PTPN14: variants seen among roughly 807,000 people sequenced by gnomAD.
The protein encoded by PTPN14 is protein tyrosine phosphatase non-receptor type 14.
PTPN14 carries 53 observed loss-of-function variants against 126.8 expected under a neutral mutation model. The ratio of observed to expected loss-of-function variants is 0.42; its 90% CI spans 0.34 to 0.53. The LOEUF (loss-of-function observed/expected upper bound fraction) is 0.53, where lower values mean the gene tolerates loss of function less well. Among genes scored for constraint, PTPN14 ranks in the 20% least tolerant of loss-of-function variants. PTPN14 has a pLI of 0.08. For missense variants in PTPN14, 1,257 were observed against 1,552.9 expected, an observed-to-expected ratio of 0.81 and a Z score of 3.20; for synonymous variants, 630 against 599.3, an observed-to-expected ratio of 1.05 and a Z score of -0.75.
chr1:214,404,379 G>A (rs142793036), intron 5 of PTPN14, among the ~76,000 whole-genome samples: 6 of 152,234 alleles, frequency 3.9e-5, no homozygotes, highest in Admixed American at 1.3e-4. Context: ...ACTCAAGTCC[G>A]TGATAGGAAA....
At chr1:214,396,967 A>G (rs938141586) in intron 8 of PTPN14, among the ~76,000 whole-genome samples, 1 of 152,346 alleles carries the variant, frequency 6.6e-6, no homozygotes, top group East Asian at 1.9e-4. Context: ...AAAAGTCAAA[A>G]AATTTATTCT....
chr1:214,466,721 C>G (rs1453050657), intron 1 of PTPN14, among the ~76,000 whole-genome samples: 1 of 152,116 alleles, frequency 6.6e-6, no homozygotes, highest in Admixed American at 6.5e-5. Context: ...ACTTGATTCC[C>G]TAACTCAGGC....
At chr1:214,379,137 T>C (rs1274892953) in intron 13 of PTPN14, among the ~76,000 whole-genome samples, 1 of 152,232 alleles carries the variant, frequency 6.6e-6, no homozygotes, top group Non-Finnish European at 1.5e-5. Context: ...AACACAGGCA[T>C]TCCTCATAGA....
At chr1:214,426,980 TA>T (rs955136729) in intron 3 of PTPN14, among the ~76,000 whole-genome samples, 4 of 151,854 alleles carry the variant, frequency 2.6e-5, no homozygotes, top group Non-Finnish European at 5.9e-5. Flanking sequence ...AGGCTTCTCC[TA>T]AAAAAAATTA....
At chr1:214,509,932 G>C (rs1209733578) in intron 1 of PTPN14, among the ~76,000 whole-genome samples, 1 of 152,208 alleles carries the variant, frequency 6.6e-6, no homozygotes, top group Non-Finnish European at 1.5e-5. Context: ...GGTGGGAATT[G>C]AACAATGTGA....
chr1:214,456,051 C>G (rs1230728643), intron 2 of PTPN14, among the ~76,000 whole-genome samples: 1 of 152,138 alleles, frequency 6.6e-6, no homozygotes, highest in Admixed American at 6.5e-5. Context: ...TAATCCCCCA[C>G]CTTAGCTATT....
chr1:214,436,370 C>G (rs1049264240), intron 3 of PTPN14, among the ~76,000 whole-genome samples: 3 of 151,838 alleles, frequency 2.0e-5, no homozygotes, highest in African/African-American at 7.3e-5. Flanking sequence ...TATAACAAAC[C>G]CACACGTATA....
At chr1:214,478,544 AAAAAAAC>A (rs945996163) in intron 1 of PTPN14, among the ~76,000 whole-genome samples, 8 of 152,148 alleles carry the variant, frequency 5.3e-5, no homozygotes, top group African/African-American at 9.7e-5. Context: ...TGTATTTGGA[AAAAAAAC>A]AAAAAACAAA....
At chr1:214,445,549 G>GT (rs1558105521) in intron 3 of PTPN14, among the ~76,000 whole-genome samples, 5 of 108,488 alleles carry the variant, frequency 4.6e-5, no homozygotes, top group African/African-American at 1.4e-4. Flanking sequence ...ACATGTTTTG[G>GT]TTAAAAAAAA....
chr1:214,528,479 T>C (rs1174618823), intron 1 of PTPN14: 1 of 152,206 alleles, frequency 6.6e-6, no homozygotes, highest in African/African-American at 2.4e-5. Flanking sequence ...GAAAAAGTAT[T>C]CTCACAATAT....
At chr1:214,520,647 G>A (rs1655232508) in intron 1 of PTPN14, among the ~76,000 whole-genome samples, 1 of 152,134 alleles carries the variant, frequency 6.6e-6, no homozygotes, top group African/African-American at 2.4e-5. Context: ...GAAGAGAGGA[G>A]CAGGCTAAAT....
chr1:214,472,338 C>T (rs972355705), intron 1 of PTPN14, among the ~76,000 whole-genome samples: 3 of 152,026 alleles, frequency 2.0e-5, no homozygotes, highest in Non-Finnish European at 4.4e-5. Context: ...CTGCCATATG[C>T]GATGCCTGCT....
chr1:214,464,745 C>T lies in PTPN14; in HGVS notation c.59G>A (p.Cys20Tyr), dbSNP rs1660590177. ...TRRYNVLSKN[C>Y]FVTRIRLLDS... ...CAGCAGGCGAATCCGTGTGACAAAG[C>T]AGTTCTTGCTCAGGACGTTGTAGCG... is the stretch of plus-strand genomic sequence containing the variant. The change falls in exon 2 of 19, where the codon TGC becomes TAC. Residue 20 changes from cysteine (C) to tyrosine (Y), a missense_variant. Cys to Tyr is a radical substitution (Grantham distance 194, BLOSUM62 -2). This residue lies in a region of PTPN14 where 1,021 missense variants were observed against 1,183.3 expected (regional missense o/e 0.86). Coordinates refer to ENST00000366956, the MANE Select transcript of PTPN14 (RefSeq NM_005401.5). 6.2e-7 allele frequency: 1 copy of T among 1,614,300 alleles called. No homozygotes were observed. Among genetic ancestry groups the T allele is most frequent in the Non-Finnish European group, 8.5e-7 (1 of 1,180,062 alleles).
Position 214,372,314 on chromosome 1 carries a change from G to A in PTPN14, c.3036+397C>T, listed in dbSNP as rs537149554. On this transcript the variant is annotated intron_variant, in intron 16 of 18. Transcript: ENST00000366956. ...TGGAGCTGGGTGCCTGGAGTTGGGCGTCTATGTCGATTTGCCCAGAGCAGC... is the reference window on the plus strand; with the variant it reads ...TGGAGCTGGGTGCCTGGAGTTGGGCATCTATGTCGATTTGCCCAGAGCAGC... The A allele has an allele frequency of 6.5e-4, 148 of 226,236 alleles. 2 individuals carry two copies. The East Asian group carries it at 0.015, about 23-fold the overall frequency. 14.0% of individuals were successfully genotyped at this position (226,236 alleles called of 1,614,324 possible). A position where few individuals can be genotyped will look rare whatever the true frequency, so the allele number is the denominator to read the frequency against.
intron 1 of PTPN14, among the ~76,000 whole-genome samples, chr1:214,480,178 T>C (rs1187478545): frequency 1.3e-5 from 2 of 152,252 alleles, no homozygotes; most frequent in East Asian, 1.9e-4. Context: ...AAGACTGTTA[T>C]TGAGTCAAAA....
At chr1:214,406,456 G>C (rs1659173012) in intron 5 of PTPN14, among the ~76,000 whole-genome samples, 1 of 151,572 alleles carries the variant, frequency 6.6e-6, no homozygotes, top group Non-Finnish European at 1.5e-5. Context: ...ACTCCAGCCT[G>C]GGTGACAGAG....
At chr1:214,408,534 T>A (rs527751245) in intron 5 of PTPN14, among the ~76,000 whole-genome samples, 1 of 151,616 alleles carries the variant, frequency 6.6e-6, no homozygotes, top group East Asian at 1.9e-4. Context: ...TCTAAAATGT[T>A]TGTGAGCACA....
At position 214,384,277 on chromosome 1, in the gene PTPN14, G is replaced by C. The variant is rs1658554013; in HGVS notation, c.1578C>G (p.Ser526Arg). The change falls in exon 13 of 19, where the codon AGC becomes AGG. Residue 526 changes from serine to arginine, a missense_variant. Transcript: ENST00000366956. This position sits in a 1 kb window ranked among gnomAD's most constrained non-coding sequence, Gnocchi z 5.3. ...GCGAGATGGCGCTTGCCCCCGGCTT[G>C]CTTGGTACCACATTATTCTTTGGGT... ...QRNPKNNVVPSKPGASAISHT... is the reference protein window; with the variant it reads ...QRNPKNNVVPRKPGASAISHT... 6.2e-7 allele frequency: 1 copy of C among 1,614,074 alleles called. No individual in the cohort carries two copies. Among genetic ancestry groups the C allele is most frequent in the African/African-American group, 1.3e-5 (1 of 74,922 alleles).
At chr1:214,424,484 A>T (rs1280277632) in intron 3 of PTPN14, among the ~76,000 whole-genome samples, 1 of 151,824 alleles carries the variant, frequency 6.6e-6, no homozygotes, top group Non-Finnish European at 1.5e-5. Flanking sequence ...TAATTTCCAT[A>T]GCATGGACCT....
Sources: allele counts gnomAD v4.1 joint callset (sites outside exome capture counted in the v4.1 genomes callset), GRCh38; gene constraint gnomAD v4.1.1; regional missense constraint gnomAD v4.1.1; non-coding constraint Gnocchi (gnomAD v3.1); transcripts MANE v1.5; gene names NCBI Gene and HGNC (gene_info 2026-07-23, HGNC 2026-07-21).